Variants in CAMK2D observed in about 807,000 individuals in gnomAD.
CAMK2D encodes calcium/calmodulin dependent protein kinase II delta, also known as calcium/calmodulin-dependent protein kinase type II subunit delta.
CAMK2D carries 37 observed loss-of-function variants against 84.0 expected under a neutral mutation model. That is an observed-to-expected ratio of 0.44 (90% CI 0.34 to 0.58). CAMK2D has a LOEUF of 0.58. CAMK2D is among the 20% of genes least tolerant of loss of function. CAMK2D has a pLI of 0.02. For synonymous variants in CAMK2D, 202 were observed against 212.5 expected, an observed-to-expected ratio of 0.95 and a Z score of 0.43; for missense variants, 448 against 652.5, an observed-to-expected ratio of 0.69 and a Z score of 3.41.
intron 2 of CAMK2D, among the ~76,000 whole-genome samples, chr4:113,720,465 T>C (rs748519146): frequency 4.0e-5 from 6 of 151,808 alleles, no homozygotes; most frequent in Non-Finnish European, 7.4e-5. Context: ...CTGAGAGCAG[T>C]AAACATACTG....
intron 9 of CAMK2D, among the ~76,000 whole-genome samples, chr4:113,516,303 A>T (rs2098282395): frequency 6.6e-6 from 1 of 152,192 alleles, no homozygotes; most frequent in African/African-American, 2.4e-5. Context: ...AGGAGCTGTT[A>T]AAGAAACACA....
rs530222732 is a variant in CAMK2D, at chr4:113,569,534, G to T, written c.276-17438C>A. On this transcript the variant is annotated intron_variant, in intron 4 of 20. Coordinates refer to ENST00000511664, the MANE Select transcript of CAMK2D (RefSeq NM_001321571.2). ...GTACAACTTGTATATATCTATAGAG[G>T]TTAATTAAAAATGCATTCAAAGTTT... Among the ~76,000 whole-genome samples the T allele has an allele frequency of 2.0e-5, 3 of 152,182 alleles. No homozygotes were observed. In the East Asian group the frequency reaches 5.8e-4, roughly 29 times the overall value.
intron 16 of CAMK2D, among the ~76,000 whole-genome samples, chr4:113,495,930 T>G (rs936451809): frequency 2.0e-5 from 3 of 152,064 alleles, no homozygotes; most frequent in African/African-American, 7.2e-5. Context: ...CTTCAACAGG[T>G]GCTGCACAAG....
intron 4 of CAMK2D, among the ~76,000 whole-genome samples, chr4:113,585,119 A>G (rs994321479): frequency 6.6e-6 from 1 of 152,216 alleles, no homozygotes; most frequent in Non-Finnish European, 1.5e-5. Context: ...TCCTTAATTA[A>G]TAGTCTCCAC....
rs1352753938 is a variant in CAMK2D at position 113,761,213 on chromosome 4, G to T, written c.-145C>A. On this transcript the variant is annotated 5_prime_UTR_variant, in exon 1 of 21. Transcript: ENST00000511664. ...CCGAAAGTAGCTCGCCCGCGAGGGA[G>T]TGTGCGCAGGGGCGGGGCGGGAGGG... The T allele has an allele frequency of 2.9e-5, 45 of 1,530,672 alleles. No homozygotes were observed. The highest frequency in any genetic ancestry group is 3.7e-5 in the Non-Finnish European group (42 of 1,143,590). 94.8% of individuals were successfully genotyped at this position (1,530,672 alleles called of 1,614,324 possible). A position where few individuals can be genotyped will look rare whatever the true frequency, so the allele number is the denominator to read the frequency against.
chr4:113,508,201 T>A, intron 13 of CAMK2D: 1 of 1,487,210 alleles, frequency 6.7e-7, no homozygotes. Flanking sequence ...GTGTGAATTT[T>A]CACAGGAGGA....
At chr4:113,613,388 T>G (rs2099008621) in intron 3 of CAMK2D, among the ~76,000 whole-genome samples, 1 of 152,040 alleles carries the variant, frequency 6.6e-6, no homozygotes, top group Non-Finnish European at 1.5e-5. Context: ...ACTTGCCAAA[T>G]ACCTGGTGGG....
intron 8 of CAMK2D, among the ~76,000 whole-genome samples, chr4:113,525,832 C>T (rs139800535): frequency 2.0e-5 from 3 of 152,138 alleles, no homozygotes; most frequent in African/African-American, 7.2e-5. Flanking sequence ...CCAGTGTCTA[C>T]TCTTGAAAAT....
At chr4:113,524,265 T>C (rs72905983) in intron 8 of CAMK2D, among the ~76,000 whole-genome samples, 5,083 of 152,270 alleles carry the variant, frequency 0.033, 225 homozygotes, top group African/African-American at 0.11. Context: ...TTTTCAACAC[T>C]GAAACTCTAT....
intron 16 of CAMK2D, among the ~76,000 whole-genome samples, chr4:113,492,153 C>G (rs1243234486): frequency 6.6e-6 from 1 of 151,946 alleles, no homozygotes; most frequent in Non-Finnish European, 1.5e-5. Flanking sequence ...CAGTTCTGCT[C>G]TGATTTTAGT....
At chr4:113,489,283 T>TC (rs956379982) in intron 16 of CAMK2D, among the ~76,000 whole-genome samples, 2 of 92,078 alleles carry the variant, frequency 2.2e-5, no homozygotes, top group African/African-American at 3.9e-5. Flanking sequence ...ATGCTATCCC[T>TC]CCCCCCTCCC....
chr4:113,649,633 C>A (rs1044655025), intron 3 of CAMK2D, among the ~76,000 whole-genome samples: 1 of 152,198 alleles, frequency 6.6e-6, no homozygotes, highest in East Asian at 1.9e-4. Flanking sequence ...TATATAATCA[C>A]ACTATATTTC....
At chr4:113,642,020 A>T (rs1018369242) in intron 3 of CAMK2D, among the ~76,000 whole-genome samples, 3 of 152,072 alleles carry the variant, frequency 2.0e-5, no homozygotes, top group African/African-American at 2.4e-5. Flanking sequence ...AAAAAAATTT[A>T]AAAATAATAA....
intron 13 of CAMK2D, among the ~76,000 whole-genome samples, chr4:113,506,898 C>CA (rs2098134961): frequency 2.7e-5 from 4 of 150,164 alleles, no homozygotes; most frequent in East Asian, 1.9e-4. Context: ...TGTTCCCCCC[C>CA]CCACACACAC....
At chr4:113,535,970 A>G (rs2098486880) in intron 7 of CAMK2D, among the ~76,000 whole-genome samples, 1 of 152,184 alleles carries the variant, frequency 6.6e-6, no homozygotes, top group Admixed American at 6.5e-5. Context: ...TCTCTGTGAT[A>G]GCCCCACTAC....
intron 18 of CAMK2D, among the ~76,000 whole-genome samples, chr4:113,459,892 T>C (rs1476783945): frequency 1.3e-5 from 2 of 152,160 alleles, no homozygotes; most frequent in East Asian, 3.8e-4. Flanking sequence ...CCCAAAGCAC[T>C]GGGATTACAG....
At chr4:113,598,003 G>C (rs918464757) in intron 4 of CAMK2D, among the ~76,000 whole-genome samples, 4 of 152,034 alleles carry the variant, frequency 2.6e-5, no homozygotes, top group Non-Finnish European at 5.9e-5. Flanking sequence ...CAAAATCTCA[G>C]CAAGTTATTT....
intron 4 of CAMK2D, among the ~76,000 whole-genome samples, chr4:113,593,340 G>A (rs1324057674): frequency 6.6e-6 from 1 of 152,170 alleles, no homozygotes; most frequent in Non-Finnish European, 1.5e-5. Context: ...CCTAAAATTG[G>A]AGAGTAAGAC....
chr4:113,654,008 G>A (rs1404964741), intron 3 of CAMK2D, among the ~76,000 whole-genome samples: 2 of 151,892 alleles, frequency 1.3e-5, no homozygotes, highest in Non-Finnish European at 2.9e-5. Flanking sequence ...TGAAAACTAG[G>A]GAGATCTAAG....
Sources: gnomAD v4.1 joint callset for allele counts (sites outside exome capture counted in the v4.1 genomes callset) on GRCh38, gnomAD v4.1.1 for gene constraint, MANE v1.5 for transcripts, NCBI Gene and HGNC (gene_info 2026-07-23, HGNC 2026-07-21) for gene names.